Variants in TRMT9B observed in about 807,000 individuals in gnomAD.
The protein encoded by TRMT9B is probable tRNA methyltransferase 9B.
A neutral mutation model predicts 11.5 loss-of-function variants in TRMT9B; 16 were observed. That is an observed-to-expected ratio of 1.39 (90% CI 0.94 to 2.11). The LOEUF is 2.11. Ranked by LOEUF, TRMT9B falls within the 30% of genes most tolerant of loss-of-function variation. The probability of loss-of-function intolerance (pLI) is 0.00; values close to 1 mark genes in which losing one functional copy is unlikely to be tolerated. For missense variants in TRMT9B, 941 were observed against 553.8 expected, an observed-to-expected ratio of 1.70 and a Z score of -7.02; for synonymous variants, 274 against 192.4, an observed-to-expected ratio of 1.42 and a Z score of -3.51.
At position 13,021,881 on chromosome 8, in the gene TRMT9B, A is replaced by G. The variant is rs979415012; in HGVS notation, c.1202A>G (p.Asp401Gly). 1.2e-6 allele frequency: 2 copies of G among 1,613,726 alleles called. No homozygotes were observed. Among genetic ancestry groups the G allele is most frequent in the African/African-American group, 2.7e-5 (2 of 74,914 alleles). ...DTMSVEDPQT[D>G]VLDSTAFMRY... ...ATGTCTGTCGAAGATCCACAGACTG[A>G]TGTTTTGGACTCCACAGCCTTTATG... Residue 401 changes from aspartate to glycine, a missense_variant, in exon 5 of 5, where the codon GAT becomes GGT. Physicochemically the swap from Asp to Gly is moderately conservative, Grantham distance 94 (BLOSUM62 -1). Coordinates refer to ENST00000524591, the MANE Select transcript of TRMT9B (RefSeq NM_020844.3).
At chr8:12,975,986 A>T (rs936483588) in intron 1 of TRMT9B, among the ~76,000 whole-genome samples, 1 of 152,234 alleles carries the variant, frequency 6.6e-6, no homozygotes, top group Non-Finnish European at 1.5e-5. Context: ...ATGGTTGCTG[A>T]TTACAAGCAA....
intron 1 of TRMT9B, among the ~76,000 whole-genome samples, chr8:12,977,990 C>T (rs1008664914): frequency 6.6e-6 from 1 of 152,164 alleles, no homozygotes; most frequent in African/African-American, 2.4e-5. Flanking sequence ...GACTGTACCA[C>T]TGCACTCGAG....
intron 2 of TRMT9B, among the ~76,000 whole-genome samples, chr8:13,001,127 A>G (rs1465001719): frequency 6.6e-6 from 1 of 152,226 alleles, no homozygotes; most frequent in African/African-American, 2.4e-5. Context: ...ATTTTGCAGA[A>G]AAATATTCTT....
chr8:13,013,592 G>C (rs897709115), intron 4 of TRMT9B, among the ~76,000 whole-genome samples: 2 of 151,812 alleles, frequency 1.3e-5, no homozygotes, highest in Non-Finnish European at 2.9e-5. Flanking sequence ...GGTTTTTTTT[G>C]TTTGTTTGTT....
Position 13,024,323 on chromosome 8 carries a change from G to A in TRMT9B, c.*2279G>A, listed in dbSNP as rs74367119. The stretch of plus-strand genomic sequence containing the variant: ...CCCCCACAGTGCTGGGATTACAGGC[G>A]TGAGCCACCGCGCCCGGCCTGTTCC... On this transcript the variant is annotated 3_prime_UTR_variant, in exon 5 of 5. Coordinates refer to ENST00000524591, the MANE Select transcript of TRMT9B (RefSeq NM_020844.3). The A allele has an allele frequency of 0.25, 41,587 of 166,260 alleles. 6,118 individuals are homozygous for A. The highest frequency in any genetic ancestry group is 0.56 in the East Asian group (2,907 of 5,168). 10.3% of individuals were successfully genotyped at this position (166,260 alleles called of 1,614,324 possible). A position where few individuals can be genotyped will look rare whatever the true frequency, so the allele number is the denominator to read the frequency against.
chr8:13,021,763 G>A lies in TRMT9B; in HGVS notation c.1084G>A (p.Ala362Thr), dbSNP rs775464108. Residue 362 changes from alanine to threonine, a missense_variant, in exon 5 of 5, where the codon GCA (alanine) becomes ACA (threonine). Coordinates refer to ENST00000524591, the MANE Select transcript of TRMT9B (RefSeq NM_020844.3). ...TAATACTGGTGTGAATTGTGTGGAT[G>A]CAGGCAACATAGAAGATGATAATCC... ...STNTGVNCVDAGNIEDDNPSA... is the reference protein window; with the variant it reads ...STNTGVNCVDTGNIEDDNPSA... 3 of 1,613,852 alleles carry A rather than the reference G, an allele frequency of 1.9e-6. No homozygotes were observed. In the Admixed American group the frequency reaches 5.0e-5, roughly 27 times the overall value.
chr8:12,986,912 T>A (rs1806409613), intron 1 of TRMT9B, among the ~76,000 whole-genome samples: 1 of 152,182 alleles, frequency 6.6e-6, no homozygotes, highest in Non-Finnish European at 1.5e-5. Context: ...GACCCATCCA[T>A]GAAGTGCCAG....
At chr8:12,954,341 A>T (rs1200522710) in intron 1 of TRMT9B, among the ~76,000 whole-genome samples, 3 of 152,244 alleles carry the variant, frequency 2.0e-5, no homozygotes, top group Non-Finnish European at 2.9e-5. Flanking sequence ...TAGTCTCCAA[A>T]ATTTGAAACA....
chr8:13,005,337 C>T (rs1810265799), intron 2 of TRMT9B, among the ~76,000 whole-genome samples: 1 of 151,718 alleles, frequency 6.6e-6, no homozygotes, highest in Non-Finnish European at 1.5e-5. Flanking sequence ...TTAATGGGTA[C>T]AAAAAACAGA....
At chr8:12,997,816 T>G (rs541425014) in intron 2 of TRMT9B, among the ~76,000 whole-genome samples, 1 of 152,238 alleles carries the variant, frequency 6.6e-6, no homozygotes, top group African/African-American at 2.4e-5. Flanking sequence ...CTTTAGTTGT[T>G]GCTGTCAGGC....
At position 13,026,615 on chromosome 8, in the gene TRMT9B, C is replaced by T. The variant is rs1465697878; in HGVS notation, c.*4571C>T. Reference sequence around the variant, plus strand: ...TTTATATGCAGTCCTCACCACAGCCCTCCAAGATAACTATACTTATTGTTC... The same window carrying T: ...TTTATATGCAGTCCTCACCACAGCCTTCCAAGATAACTATACTTATTGTTC... On this transcript the variant is annotated 3_prime_UTR_variant, in exon 5 of 5. Transcript: ENST00000524591. The T allele has an allele frequency of 6.0e-6, 1 of 167,110 alleles. No homozygotes were observed. The highest frequency in any genetic ancestry group is 2.4e-5 in the African/African-American group (1 of 41,454). 10.4% of individuals were successfully genotyped at this position (167,110 alleles called of 1,614,324 possible). A position where few individuals can be genotyped will look rare whatever the true frequency, so the allele number is the denominator to read the frequency against.
rs1414886560 is a variant in TRMT9B at position 13,028,522 on chromosome 8, A to T, written c.*6478A>T. 1 of 166,410 alleles carries T rather than the reference A, an allele frequency of 6.0e-6. No homozygotes were observed. The highest frequency in any genetic ancestry group is 2.4e-5 in the African/African-American group (1 of 41,176). 10.3% of individuals were successfully genotyped at this position (166,410 alleles called of 1,614,324 possible). On this transcript the variant is annotated 3_prime_UTR_variant, in exon 5 of 5. Transcript: ENST00000524591. ...CTGAAGAAGGTACAATTATATTTAC[A>T]TTCCCTTAGCAAGAATTTGGCTAAG...
chr8:13,021,169 C>T lies in TRMT9B; in HGVS notation c.490C>T (p.Leu164=), dbSNP rs780438083. ...CGTGCTTGTTCCATGGAACAGGGCT[C>T]TGTGTTCCCAGCTCTTCTCAGAGTC... is the stretch of plus-strand genomic sequence containing the variant. ...QDVLVPWNRA[L]CSQLFSESSQ... Residue 164 remains leucine (L), a synonymous_variant, in exon 5 of 5, where the codon CTG becomes TTG. Coordinates refer to ENST00000524591, the MANE Select transcript of TRMT9B (RefSeq NM_020844.3). 50 of 1,613,874 alleles carry T rather than the reference C, an allele frequency of 3.1e-5. No individual in the cohort carries two copies. In the African/African-American group the frequency reaches 6.0e-4, roughly 19 times the overall value.
intron 2 of TRMT9B, among the ~76,000 whole-genome samples, chr8:12,992,266 T>C (rs1563377640): frequency 6.6e-6 from 1 of 152,136 alleles, no homozygotes; most frequent in Non-Finnish European, 1.5e-5. Flanking sequence ...TCCAAAAACT[T>C]ATAATCTATT....
intron 3 of TRMT9B, chr8:13,012,107 G>C (rs530401669): frequency 1.0e-6 from 1 of 985,202 alleles, no homozygotes; most frequent in African/African-American, 1.7e-5. Context: ...CCTTGGTTGC[G>C]CCAGTGTACT....
At chr8:12,955,846 C>A (rs2954167) in intron 1 of TRMT9B, among the ~76,000 whole-genome samples, 2 of 152,068 alleles carry the variant, frequency 1.3e-5, no homozygotes, top group East Asian at 3.9e-4. Flanking sequence ...GGCTCCCGGG[C>A]GGCAAGCTTG....
chr8:12,947,367 A>T (rs536683845), intron 1 of TRMT9B, among the ~76,000 whole-genome samples: 1 of 152,250 alleles, frequency 6.6e-6, no homozygotes, highest in Admixed American at 6.5e-5. Context: ...TAAACTAGCT[A>T]AAACCACTAA....
rs866772870 is a variant in TRMT9B at position 12,990,917 on chromosome 8, A to T, written c.-116A>T. On this transcript the variant is annotated 5_prime_UTR_variant, in exon 2 of 5. Coordinates refer to ENST00000524591, the MANE Select transcript of TRMT9B (RefSeq NM_020844.3). ...TTTCATTTCACTCCTACAAGTTTTCATTTACGTTACACATTGAGAAAGTTA... is the reference window on the plus strand; with the variant it reads ...TTTCATTTCACTCCTACAAGTTTTCTTTTACGTTACACATTGAGAAAGTTA... 1 of 1,289,398 alleles carries T rather than the reference A, an allele frequency of 7.8e-7. No homozygotes were observed. Among genetic ancestry groups the T allele is most frequent in the African/African-American group, 1.5e-5 (1 of 65,940 alleles). 79.9% of individuals were successfully genotyped at this position (1,289,398 alleles called of 1,614,324 possible).
intron 4 of TRMT9B, 145 bp downstream of exon 4, chr8:13,013,002 T>A: frequency 9.8e-7 from 1 of 1,015,248 alleles, no homozygotes; most frequent in Non-Finnish European, 1.3e-6. Context: ...TTCAACTACT[T>A]GACTGATTTG....
Sources: gnomAD v4.1 joint callset for allele counts (sites outside exome capture counted in the v4.1 genomes callset) on GRCh38, gnomAD v4.1.1 for gene constraint, MANE v1.5 for transcripts, NCBI Gene and HGNC (gene_info 2026-07-23, HGNC 2026-07-21) for gene names.